The following PHF14 variants were observed in gnomAD, a reference collection of about 807,000 sequenced individuals.
PHF14 encodes the protein PHD finger protein 14.
PHF14 carries 55 observed loss-of-function variants against 117.9 expected under a neutral mutation model. That is an observed-to-expected ratio of 0.47 (90% CI 0.38 to 0.58). PHF14 has a LOEUF of 0.58. Among genes scored for constraint, PHF14 ranks in the 20% least tolerant of loss-of-function variants. The probability of loss-of-function intolerance (pLI) is 0.00; values close to 1 mark genes in which losing one functional copy is unlikely to be tolerated. For synonymous variants in PHF14, 409 were observed against 368.6 expected, an observed-to-expected ratio of 1.11 and a Z score of -1.26; for missense variants, 978 against 1,122.2, an observed-to-expected ratio of 0.87 and a Z score of 1.84.
chr7:11,154,859 TA>T (rs1788796358), intron 17 of PHF14, among the ~76,000 whole-genome samples: 1 of 152,166 alleles, frequency 6.6e-6, no homozygotes, highest in Admixed American at 6.5e-5. Context: ...TGTCTATGAA[TA>T]ATACAATTAT....
intron 13 of PHF14, among the ~76,000 whole-genome samples, chr7:11,047,595 A>G (rs1373718944): frequency 6.7e-6 from 1 of 150,258 alleles, no homozygotes; most frequent in African/African-American, 2.4e-5. Context: ...CAGGAGTTCA[A>G]GACCAACATG....
At chr7:11,143,025 C>A (rs918785161) in intron 17 of PHF14, among the ~76,000 whole-genome samples, 3 of 151,984 alleles carry the variant, frequency 2.0e-5, no homozygotes, top group Non-Finnish European at 2.9e-5. Context: ...CTATTTGATC[C>A]ACATCACTTA....
intron 17 of PHF14, among the ~76,000 whole-genome samples, chr7:11,157,035 A>G (rs1223437728): frequency 2.0e-5 from 3 of 152,172 alleles, no homozygotes; most frequent in African/African-American, 7.2e-5. Flanking sequence ...GTCATGGTTC[A>G]GTTATCTTTA....
At chr7:11,084,401 A>G (rs542129789) in intron 16 of PHF14, among the ~76,000 whole-genome samples, 1 of 152,018 alleles carries the variant, frequency 6.6e-6, no homozygotes, top group African/African-American at 2.4e-5. Context: ...CATCATCCAT[A>G]CTTCTTTCCT....
chr7:11,034,284 T>G (rs531320903), intron 7 of PHF14, among the ~76,000 whole-genome samples: 1 of 152,302 alleles, frequency 6.6e-6, no homozygotes, highest in African/African-American at 2.4e-5. Flanking sequence ...TGTTTACTGT[T>G]CCTTTTTGGG....
chr7:11,033,766 T>A (rs1347285927), intron 7 of PHF14, among the ~76,000 whole-genome samples: 1 of 152,202 alleles, frequency 6.6e-6, no homozygotes, highest in Admixed American at 6.5e-5. Flanking sequence ...AACATTAGAA[T>A]AATTATCTAG....
At chr7:11,075,588 TTTA>T (rs1245209988) in intron 16 of PHF14, among the ~76,000 whole-genome samples, 192 of 103,882 alleles carry the variant, frequency 1.8e-3, no homozygotes, top group Admixed American at 4.8e-3. Flanking sequence ...TTTTTTTTTT[TTTA>T]TTATTATGCC....
chr7:11,019,149 A>G (rs554400402), intron 5 of PHF14, among the ~76,000 whole-genome samples: 1 of 152,118 alleles, frequency 6.6e-6, no homozygotes, highest in South Asian at 2.1e-4. Flanking sequence ...TATTTTGTTG[A>G]GGATCTTTGC....
At chr7:11,147,135 G>A (rs901365753) in intron 17 of PHF14, among the ~76,000 whole-genome samples, 2 of 152,032 alleles carry the variant, frequency 1.3e-5, no homozygotes, top group Non-Finnish European at 2.9e-5. Flanking sequence ...GGCATAAGCC[G>A]CCACACCCAG....
At chr7:10,978,925 C>T (rs1781962402) in intron 2 of PHF14, among the ~76,000 whole-genome samples, 1 of 152,128 alleles carries the variant, frequency 6.6e-6, no homozygotes, top group Non-Finnish European at 1.5e-5. Context: ...GTCTTCAAGA[C>T]ATATACGGTT....
At chr7:11,026,170 C>G (rs1409888810) in intron 6 of PHF14, among the ~76,000 whole-genome samples, 1 of 151,570 alleles carries the variant, frequency 6.6e-6, no homozygotes, top group East Asian at 1.9e-4. Flanking sequence ...CAGCAACCAC[C>G]ACCACCCCCA....
chr7:11,147,570 T>C (rs928781100), intron 17 of PHF14, among the ~76,000 whole-genome samples: 4 of 152,218 alleles, frequency 2.6e-5, no homozygotes, highest in African/African-American at 9.6e-5. Context: ...ACTTGACCTC[T>C]CAATGTTATT....
At chr7:11,126,466 CT>C (rs1372102648) in intron 17 of PHF14, among the ~76,000 whole-genome samples, 7 of 152,092 alleles carry the variant, frequency 4.6e-5, no homozygotes, top group Admixed American at 3.9e-4. Context: ...CATAAAGACT[CT>C]GTTAAGTACA....
chr7:11,091,759 A>G (rs1786649402), intron 16 of PHF14, among the ~76,000 whole-genome samples: 1 of 152,204 alleles, frequency 6.6e-6, no homozygotes, highest in East Asian at 1.9e-4. Flanking sequence ...CCCTTTCTCA[A>G]AAATAAAATA....
intron 2 of PHF14, among the ~76,000 whole-genome samples, chr7:10,980,168 C>G (rs894771091): frequency 2.6e-5 from 4 of 152,098 alleles, no homozygotes; most frequent in African/African-American, 4.8e-5. Context: ...CAATTTTGAT[C>G]AGCTACCCAC....
rs576291604 is a variant in PHF14, at chr7:11,063,215, A to AT, written c.2654+1137dup. ...TAAGAAAGTTTATAATAATTGGCTA[A>AT]TTTTTTTGAGGTAGTTCATGTAGAG... On this transcript the variant is annotated intron_variant, in intron 16 of 17. Coordinates refer to ENST00000634607, the MANE Select transcript of PHF14 (RefSeq NM_001007157.2). 111 of 984,028 alleles carry AT rather than the reference A, an allele frequency of 1.1e-4. No individual in the cohort carries two copies. The East Asian group carries it at 3.4e-3, about 30-fold the overall frequency. 61.0% of individuals were successfully genotyped at this position (984,028 alleles called of 1,614,324 possible). A position where few individuals can be genotyped will look rare whatever the true frequency, so the allele number is the denominator to read the frequency against.
chr7:11,092,262 A>G (rs1308522310), intron 16 of PHF14, among the ~76,000 whole-genome samples: 3 of 152,182 alleles, frequency 2.0e-5, no homozygotes. Flanking sequence ...ACTTTAAGAC[A>G]GTGGTCCTTA....
intron 16 of PHF14, among the ~76,000 whole-genome samples, chr7:11,071,901 TAAA>T (rs374318335): frequency 4.6e-5 from 7 of 152,300 alleles, no homozygotes; most frequent in African/African-American, 1.7e-4. Flanking sequence ...TTTTGGATAT[TAAA>T]AAAGTAAGCC....
chr7:11,075,794 T>A (rs948652022), intron 16 of PHF14, among the ~76,000 whole-genome samples: 16 of 151,870 alleles, frequency 1.1e-4, no homozygotes, highest in African/African-American at 3.9e-4. Flanking sequence ...CTCCTTTGAA[T>A]TGATGAGGAA....
Sources: allele counts gnomAD v4.1 joint callset (sites outside exome capture counted in the v4.1 genomes callset), GRCh38; gene constraint gnomAD v4.1.1; transcripts MANE v1.5; gene names NCBI Gene and HGNC (gene_info 2026-07-23, HGNC 2026-07-21).